The following SOBP variants were observed in gnomAD, a reference collection of about 807,000 sequenced individuals.
SOBP encodes sine oculis-binding protein homolog.
SOBP carries 4 observed loss-of-function variants against 53.6 expected under a neutral mutation model. The ratio of observed to expected loss-of-function variants is 0.07; its 90% confidence interval spans 0.04 to 0.17. SOBP has a LOEUF of 0.17. SOBP is among the 10% of genes least tolerant of loss of function. SOBP has a pLI of 1.00. For missense variants in SOBP, 1,088 were observed against 1,204.7 expected (o/e 0.90, Z 1.43); for synonymous variants, 584 against 522.6 (o/e 1.12, Z -1.60).
At chr6:107,571,097 C>G (rs564638511) in intron 4 of SOBP, among the ~76,000 whole-genome samples, 69 of 152,232 alleles carry the variant, frequency 4.5e-4, no homozygotes, top group South Asian at 2.7e-3. Flanking sequence ...GGCTGTTGGA[C>G]TTTGGCATTG....
At chr6:107,577,513 A>G (rs1785266017) in intron 4 of SOBP, among the ~76,000 whole-genome samples, 2 of 152,230 alleles carry the variant, frequency 1.3e-5, no homozygotes, top group African/African-American at 2.4e-5. Flanking sequence ...CATGTTGACC[A>G]AAGTCACAAT....
In SOBP at chr6:107,533,577, G is replaced by T; in HGVS notation, c.540G>T (p.Ala180=). 6.2e-7 allele frequency: 1 copy of T among 1,614,148 alleles called. No individual in the cohort carries two copies. The part of the protein sequence containing the change: ...VKSFCSEKCF[A]ACRRAYFKRN... ...GCTTCTGCAGCGAGAAGTGCTTTGCGGCCTGCCGACGAGCCTACTTCAAGA... is the reference window on the plus strand; with the variant it reads ...GCTTCTGCAGCGAGAAGTGCTTTGCTGCCTGCCGACGAGCCTACTTCAAGA... Residue 180 remains alanine (A), a synonymous_variant, in exon 4 of 7, where the codon GCG becomes GCT. Coordinates refer to ENST00000317357, the MANE Select transcript of SOBP (RefSeq NM_018013.4).
chr6:107,623,177 C>G (rs572627056), intron 5 of SOBP, among the ~76,000 whole-genome samples: 1 of 152,182 alleles, frequency 6.6e-6, no homozygotes, highest in Non-Finnish European at 1.5e-5. Flanking sequence ...GGATTTGGTC[C>G]GACAATCAGA....
intron 6 of SOBP, among the ~76,000 whole-genome samples, chr6:107,637,090 G>T (rs142684033): frequency 1.3e-5 from 2 of 152,110 alleles, no homozygotes; most frequent in African/African-American, 4.8e-5. Flanking sequence ...AGTTGTCATA[G>T]GGGAAAGTTT....
chr6:107,524,074 T>C (rs889794903), intron 3 of SOBP, among the ~76,000 whole-genome samples: 3 of 152,226 alleles, frequency 2.0e-5, no homozygotes, highest in African/African-American at 7.2e-5. Context: ...AGCCCTTTCA[T>C]TAAAGAGCAG....
chr6:107,636,040 A>G (rs846954), intron 6 of SOBP, among the ~76,000 whole-genome samples: 106,100 of 152,084 alleles, frequency 0.7, 38,858 homozygotes, highest in Non-Finnish European at 0.83. Context: ...GCATATGTCA[A>G]CTGAACCCAG....
chr6:107,535,613 T>TTGTGTG (rs561695029), intron 4 of SOBP, among the ~76,000 whole-genome samples: 28 of 148,074 alleles, frequency 1.9e-4, no homozygotes, highest in African/African-American at 6.0e-4. Flanking sequence ...CTATGCCTTC[T>TTGTGTG]TGTGTGTGTG....
chr6:107,606,072 T>C (rs1243308706), intron 5 of SOBP, among the ~76,000 whole-genome samples: 3 of 2,508 alleles, frequency 1.2e-3, no homozygotes, highest in Non-Finnish European at 0.029. Flanking sequence ...ATAGGCTCCT[T>C]TTTTTTTTTT....
At chr6:107,499,489 A>T (rs1364192704) in intron 1 of SOBP, among the ~76,000 whole-genome samples, 1 of 152,198 alleles carries the variant, frequency 6.6e-6, no homozygotes, top group Non-Finnish European at 1.5e-5. Context: ...GGTTTGAGAG[A>T]TGATTTTTGT....
intron 3 of SOBP, among the ~76,000 whole-genome samples, chr6:107,517,096 T>C (rs74844662): frequency 0.1 from 15,164 of 152,230 alleles, 1,019 homozygotes; most frequent in East Asian, 0.25. Flanking sequence ...GGGAGACTTA[T>C]ACTCTCAGAT....
At chr6:107,613,572 A>G (rs1786676462) in intron 5 of SOBP, among the ~76,000 whole-genome samples, 1 of 152,212 alleles carries the variant, frequency 6.6e-6, no homozygotes, top group Non-Finnish European at 1.5e-5. Context: ...AAGTGAGAGG[A>G]AAAGGAGAAA....
chr6:107,518,750 GT>G (rs11390425), intron 3 of SOBP, among the ~76,000 whole-genome samples: 1,298 of 111,644 alleles, frequency 0.012, 12 homozygotes, highest in African/African-American at 0.031. Flanking sequence ...AGGAAAGGCT[GT>G]TTTTTTTTTT....
chr6:107,617,986 C>T (rs542471299), intron 5 of SOBP, among the ~76,000 whole-genome samples: 1 of 152,118 alleles, frequency 6.6e-6, no homozygotes, highest in African/African-American at 2.4e-5. Context: ...CGCCACCAAG[C>T]CAAGCTAATT....
rs769414458 is a variant in SOBP at position 107,503,753 on chromosome 6, C to G, written c.193C>G (p.Pro65Ala). The change falls in exon 2 of 7, where the codon CCT (proline) becomes GCT (alanine). Residue 65 changes from proline to alanine, a missense_variant. Around this residue, in one of 6 missense-constraint regions of SOBP, gnomAD observed 112 missense variants for 117.9 expected, o/e 0.95. Coordinates refer to ENST00000317357, the MANE Select transcript of SOBP (RefSeq NM_018013.4). ...DGEDIEFRSY[P>A]TDGESRQHIS... is the part of the protein sequence containing the mutation. ...TGAGGATATTGAATTCAGGAGCTACCCTACAGATGGGGAGAGCCGGCAGCA... is the reference window on the plus strand; with the variant it reads ...TGAGGATATTGAATTCAGGAGCTACGCTACAGATGGGGAGAGCCGGCAGCA... The G allele has an allele frequency of 1.2e-6, 2 of 1,614,056 alleles. No individual in the cohort carries two copies. The highest frequency in any genetic ancestry group is 2.2e-5 in the South Asian group (2 of 91,070).
intron 1 of SOBP, among the ~76,000 whole-genome samples, chr6:107,496,605 A>G (rs780195272): frequency 6.6e-6 from 1 of 152,202 alleles, no homozygotes; most frequent in Admixed American, 6.5e-5. Flanking sequence ...GCTAAGAGCA[A>G]TTCTGCAAAA....
intron 4 of SOBP, among the ~76,000 whole-genome samples, chr6:107,569,150 A>G (rs1371626283): frequency 6.6e-6 from 1 of 152,200 alleles, no homozygotes; most frequent in African/African-American, 2.4e-5. Flanking sequence ...CTGAATCCTG[A>G]GCAGTATCAG....
In SOBP at chr6:107,635,502, A is replaced by G. The variant is rs760976782; in HGVS notation, c.*3+33A>G. The stretch of plus-strand genomic sequence containing the variant: ...TGTCCGCCGGGCGCTCCTCCACACC[A>G]GCCAGTGCACCTCTCCTTACTTCTG... On this transcript the variant is annotated intron_variant, in intron 6 of 6. Transcript: ENST00000317357. The surrounding 1 kb of genome is among the most constrained non-coding windows in gnomAD (Gnocchi z 4.5). 1 of 1,610,192 alleles carries G rather than the reference A, an allele frequency of 6.2e-7. No homozygotes were observed. The highest frequency in any genetic ancestry group is 2.2e-5 in the East Asian group (1 of 44,872).
intron 4 of SOBP, among the ~76,000 whole-genome samples, chr6:107,572,602 C>T (rs1453808402): frequency 6.6e-6 from 1 of 152,146 alleles, no homozygotes; most frequent in African/African-American, 2.4e-5. Flanking sequence ...CTGCACCTGG[C>T]CTTAATTTGC....
chr6:107,652,316 C>T (rs975584926), intron 6 of SOBP, among the ~76,000 whole-genome samples: 5 of 152,200 alleles, frequency 3.3e-5, no homozygotes, highest in African/African-American at 9.6e-5. Context: ...TATTCCAACA[C>T]TCGTGGATGA....
Sources: allele counts gnomAD v4.1 joint callset (sites outside exome capture counted in the v4.1 genomes callset), GRCh38; gene constraint gnomAD v4.1.1; regional missense constraint gnomAD v4.1.1; non-coding constraint Gnocchi (gnomAD v3.1); transcripts MANE v1.5; gene names NCBI Gene and HGNC (gene_info 2026-07-23, HGNC 2026-07-21).